EXOC4: variants seen among roughly 807,000 people sequenced by gnomAD.
The protein encoded by EXOC4 is SEC8-like 1.
Under a neutral mutation model 107.2 loss-of-function variants are expected in EXOC4, and 71 were observed. That is an observed-to-expected ratio of 0.66 (90% CI 0.55 to 0.81). EXOC4 has a LOEUF of 0.81. Among genes scored for constraint, EXOC4 ranks in the 30% least tolerant of loss-of-function variants. EXOC4 has a pLI of 0.00. For synonymous variants in EXOC4, 456 were observed against 441.2 expected (o/e 1.03, Z -0.42); for missense variants, 1,108 against 1,189.6 (o/e 0.93, Z 1.01).
At chr7:133,691,511 T>C (rs1467047287) in intron 10 of EXOC4, among the ~76,000 whole-genome samples, 1 of 152,186 alleles carries the variant, frequency 6.6e-6, no homozygotes, top group Non-Finnish European at 1.5e-5. Flanking sequence ...ATAATACATA[T>C]TTACTGAGTA....
At chr7:133,842,705 T>G (rs185673649) in intron 11 of EXOC4, among the ~76,000 whole-genome samples, 8 of 152,184 alleles carry the variant, frequency 5.3e-5, no homozygotes, top group Admixed American at 1.3e-4. Context: ...TATGAAATCT[T>G]TTCCAGGTCC....
intron 9 of EXOC4, among the ~76,000 whole-genome samples, chr7:133,510,505 T>TAA (rs1799748843): frequency 6.6e-6 from 1 of 152,206 alleles, no homozygotes; most frequent in South Asian, 2.1e-4. Context: ...GCAAATTGCC[T>TAA]AACTACTGGT....
chr7:133,392,253 G>A (rs1796869882), intron 7 of EXOC4, among the ~76,000 whole-genome samples: 1 of 152,100 alleles, frequency 6.6e-6, no homozygotes, highest in African/African-American at 2.4e-5. Flanking sequence ...CTGTTCACCT[G>A]CTGTGATTAG....
At chr7:133,281,795 G>T (rs1157968462) in intron 2 of EXOC4, among the ~76,000 whole-genome samples, 2 of 149,928 alleles carry the variant, frequency 1.3e-5, no homozygotes, top group East Asian at 3.9e-4. Context: ...TTCGCCTCCC[G>T]GGTTCAAGTG....
Position 134,030,206 on chromosome 7 carries a change from G to T in EXOC4, c.2687+22371G>T, listed in dbSNP as rs117098315. ...AGGTAAGAAAGGAGGTTAAAACCTCGTAAGATGCCCTCCTAGGTATATACC... is the reference window on the plus strand; with the variant it reads ...AGGTAAGAAAGGAGGTTAAAACCTCTTAAGATGCCCTCCTAGGTATATACC... On this transcript the variant is annotated intron_variant, in intron 17 of 17. Transcript: ENST00000253861. Among the ~76,000 whole-genome samples the T allele has an allele frequency of 8.1e-4, 124 of 152,272 alleles. 1 individual carries two copies. In the East Asian group the frequency reaches 0.023, roughly 28 times the overall value.
intron 17 of EXOC4, among the ~76,000 whole-genome samples, chr7:134,044,571 C>T (rs143819205): frequency 1.5e-3 from 222 of 152,280 alleles, no homozygotes; most frequent in African/African-American, 4.8e-3. Context: ...TCTAGAACAG[C>T]GTCAACTCAA....
In EXOC4 at chr7:133,275,050, A is replaced by G. The variant is rs1435773420; in HGVS notation, c.155A>G (p.Glu52Gly). The change falls in exon 2 of 18, where the codon GAG becomes GGG. Residue 52 changes from glutamate (E) to glycine (G), a missense_variant. By Grantham distance (98) the Glu-to-Gly change is moderately conservative (BLOSUM62 -2). Coordinates refer to ENST00000253861, the MANE Select transcript of EXOC4 (RefSeq NM_021807.4). ...AAGGGTCGCCTTGAAGAAGCCTACGAGAAATGTGACCGTGACCTGGATGAA... is the reference window on the plus strand; with the variant it reads ...AAGGGTCGCCTTGAAGAAGCCTACGGGAAATGTGACCGTGACCTGGATGAA... ...NEKGRLEEAY[E>G]KCDRDLDELI... The G allele has an allele frequency of 6.2e-7, 1 of 1,613,940 alleles. No individual in the cohort carries two copies.
intron 17 of EXOC4, among the ~76,000 whole-genome samples, chr7:134,040,674 G>A (rs558447351): frequency 6.6e-6 from 1 of 152,274 alleles, no homozygotes; most frequent in African/African-American, 2.4e-5. Context: ...TAGTGATAAT[G>A]GCAAAGTAAT....
In EXOC4 at chr7:134,064,244, G is replaced by A. The variant is rs10273778; in HGVS notation, c.2688-47G>A. On this transcript the variant is annotated intron_variant, in intron 17 of 17. Transcript: ENST00000253861. ...AGCGTATTTGTCCCCTCGAGACGAC[G>A]TTACCAGTGGGGAGCCAGTGAGCAG... The A allele has an allele frequency of 7.0e-3, 9,044 of 1,294,654 alleles. 334 individuals are homozygous for A. The African/African-American group carries it at 0.094, about 14-fold the overall frequency. The allele number at this position is 1,294,654 out of a possible 1,614,324, so 80.2% of individuals were successfully genotyped here.
intron 3 of EXOC4, among the ~76,000 whole-genome samples, chr7:133,298,977 A>C (rs1230162472): frequency 2.6e-5 from 4 of 152,198 alleles, no homozygotes; most frequent in Non-Finnish European, 5.9e-5. Flanking sequence ...TATAATGTTT[A>C]GGGATAGGCA....
rs145154799 is a variant in EXOC4 at position 134,013,240 on chromosome 7, A to G, written c.2687+5405A>G. On this transcript the variant is annotated intron_variant, in intron 17 of 17. Coordinates refer to ENST00000253861, the MANE Select transcript of EXOC4 (RefSeq NM_021807.4). ...CATAAATCATGTTGACAGTATGTCT[A>G]TGTGCCCTTGACATGATGTGATGAA... 6.3e-3 allele frequency among the ~76,000 whole-genome samples: 966 copies of G among 152,348 alleles called. 6 individuals carry two copies. Among genetic ancestry groups the G allele is most frequent in the Non-Finnish European group, 0.011 (740 of 68,040 alleles).
intron 10 of EXOC4, among the ~76,000 whole-genome samples, chr7:133,744,522 G>T (rs1795635418): frequency 6.6e-6 from 1 of 152,192 alleles, no homozygotes; most frequent in African/African-American, 2.4e-5. Flanking sequence ...TGATAGAGTT[G>T]TTGGTTTGGG....
At chr7:133,300,858 G>A (rs1329716806) in intron 3 of EXOC4, among the ~76,000 whole-genome samples, 2 of 151,192 alleles carry the variant, frequency 1.3e-5, no homozygotes, top group Non-Finnish European at 2.9e-5. Flanking sequence ...TTTTCTTATG[G>A]TTCAAGTTAA....
intron 8 of EXOC4, among the ~76,000 whole-genome samples, chr7:133,478,261 A>G (rs138987020): frequency 6.6e-6 from 1 of 151,888 alleles, no homozygotes; most frequent in East Asian, 1.9e-4. Context: ...CAGTCAGACC[A>G]CATACACATT....
At chr7:133,845,325 G>T (rs1295277266) in intron 11 of EXOC4, among the ~76,000 whole-genome samples, 1 of 138,998 alleles carries the variant, frequency 7.2e-6, no homozygotes, top group African/African-American at 2.9e-5. Context: ...AGCATGATAG[G>T]CAGGTTAGTA....
At chr7:133,318,813 C>T (rs1230314980) in intron 5 of EXOC4, among the ~76,000 whole-genome samples, 1 of 152,050 alleles carries the variant, frequency 6.6e-6, no homozygotes, top group Non-Finnish European at 1.5e-5. Context: ...AATAGATTTT[C>T]CTTTGTTTAA....
rs1345178152 is a variant in EXOC4, at chr7:133,857,251, ATATATATATATATATATATATACACG to A, written c.1735-38327_1735-38302del. On this transcript the variant is annotated intron_variant, in intron 11 of 17. Transcript: ENST00000253861. ...ATGATTGTCTTAGTGTCACATATAT[ATATATATATATATATATATATACACG>A]TATATATATATATATATATACACGT... is the stretch of plus-strand genomic sequence containing the variant. Among the ~76,000 whole-genome samples, 8 of 42,184 alleles carry A rather than the reference ATATATATATATATATATATATACACG, an allele frequency of 1.9e-4. 1 individual carries two copies. The highest frequency in any genetic ancestry group is 7.1e-4 in the East Asian group (1 of 1,416). The allele number at this position is 42,184 out of a possible 152,430, so 27.7% of individuals were successfully genotyped here. A position where few individuals can be genotyped will look rare whatever the true frequency, so the allele number is the denominator to read the frequency against.
intron 10 of EXOC4, among the ~76,000 whole-genome samples, chr7:133,698,251 A>C (rs1416542026): frequency 6.6e-6 from 1 of 152,002 alleles, no homozygotes; most frequent in Non-Finnish European, 1.5e-5. Flanking sequence ...TTTTTAAAAA[A>C]CATTGTGTAT....
At position 133,963,186 on chromosome 7, in the gene EXOC4, G is replaced by C. The variant is rs140962873; in HGVS notation, c.2206+25117G>C. 1.3e-4 allele frequency among the ~76,000 whole-genome samples: 20 copies of C among 152,364 alleles called. No individual in the cohort carries two copies. The East Asian group carries it at 3.3e-3, about 25-fold the overall frequency. ...AGTTGTGCCTCGTCCCACTTCCCTA[G>C]ATCAGGTATCACAGAAAGGTTGTTG... On this transcript the variant is annotated intron_variant, in intron 14 of 17. Transcript: ENST00000253861.
Sources: allele counts gnomAD v4.1 joint callset (sites outside exome capture counted in the v4.1 genomes callset), GRCh38; gene constraint gnomAD v4.1.1; transcripts MANE v1.5; gene names NCBI Gene and HGNC (gene_info 2026-07-23, HGNC 2026-07-21).